ADAM18: variants seen among roughly 807,000 people sequenced by gnomAD.
ADAM18 encodes disintegrin and metalloproteinase domain-containing protein 18.
ADAM18 carries 117 observed loss-of-function variants against 94.4 expected under a neutral mutation model. That is an observed-to-expected ratio of 1.24 (90% confidence interval 1.07 to 1.45). The LOEUF is 1.45. Among genes scored for constraint, ADAM18 ranks in the 40% most tolerant of loss-of-function variants. The pLI is 0.00. For missense variants in ADAM18, 936 were observed against 880.0 expected, an observed-to-expected ratio of 1.06 and a Z score of -0.81; for synonymous variants, 327 against 291.6, an observed-to-expected ratio of 1.12 and a Z score of -1.24.
chr8:39,699,258 C>A (rs1217496788), intron 17 of ADAM18, among the ~76,000 whole-genome samples: 1 of 151,952 alleles, frequency 6.6e-6, no homozygotes, highest in Non-Finnish European at 1.5e-5. Flanking sequence ...TTGAATTATT[C>A]TAAAGTTTAA....
intron 16 of ADAM18, chr8:39,685,214 C>T (rs923888551): frequency 4.6e-5 from 7 of 152,324 alleles, no homozygotes; most frequent in Admixed American, 2.6e-4. Flanking sequence ...TGAAGGCAGC[C>T]ATGCCTCCAC....
chr8:39,668,325 AAAG>A, intron 14 of ADAM18, 129 bp downstream of exon 14: 1 of 845,220 alleles, frequency 1.2e-6, no homozygotes, highest in South Asian at 2.2e-5. Context: ...AATTTTAGTT[AAAG>A]AAGAGTAGTT....
chr8:39,691,226 A>T (rs759060698), intron 16 of ADAM18, among the ~76,000 whole-genome samples: 3 of 152,164 alleles, frequency 2.0e-5, no homozygotes, highest in Non-Finnish European at 4.4e-5. Flanking sequence ...CCATTTGTGT[A>T]TATCAATTAA....
intron 19 of ADAM18, among the ~76,000 whole-genome samples, chr8:39,729,186 A>G (rs1294396209): frequency 6.6e-6 from 1 of 152,088 alleles, no homozygotes; most frequent in South Asian, 2.1e-4. Context: ...TTGAATACAT[A>G]TTATTCAATG....
At chr8:39,597,163 T>G (rs1215638761) in intron 2 of ADAM18, among the ~76,000 whole-genome samples, 1 of 152,178 alleles carries the variant, frequency 6.6e-6, no homozygotes, top group Non-Finnish European at 1.5e-5. Context: ...TAGGAGTTGT[T>G]TAGATATTTT....
chr8:39,661,142 TTTC>T (rs1440469891), intron 12 of ADAM18, among the ~76,000 whole-genome samples: 5 of 146,432 alleles, frequency 3.4e-5, no homozygotes, highest in South Asian at 2.2e-4. Flanking sequence ...AAAACAACTG[TTTC>T]TTCTTCTTCT....
In ADAM18 at chr8:39,677,533, G is replaced by A. The variant is rs151131718; in HGVS notation, c.1628G>A (p.Arg543Gln). The change falls in exon 15 of 20, where the codon CGG (arginine) becomes CAG (glutamine). Residue 543 changes from arginine to glutamine, a missense_variant. Coordinates refer to ENST00000265707, the MANE Select transcript of ADAM18 (RefSeq NM_014237.3). ...FKNSQPLPCE[R>Q]KDVLCGKLAC... ...AATTCACAACCATTACCTTGTGAAC[G>A]GAAGTACGTATGTAGAAAATGATTG... The A allele has an allele frequency of 3.1e-4, 492 of 1,587,740 alleles. No homozygotes were observed. The highest frequency in any genetic ancestry group is 3.9e-4 in the Non-Finnish European group (453 of 1,168,028).
rs552886113 is a variant in ADAM18 at position 39,649,033 on chromosome 8, T to C, written c.1230+506T>C. ...ATATATGTATATACCCGATTATAAT[T>C]TCATCAATCAAATGTTCAATGAACA... On this transcript the variant is annotated intron_variant, in intron 12 of 19. Transcript: ENST00000265707. Among the ~76,000 whole-genome samples the C allele has an allele frequency of 7.2e-5, 11 of 152,240 alleles. No homozygotes were observed. In the East Asian group the frequency reaches 9.7e-4, roughly 13 times the overall value.
intron 10 of ADAM18, among the ~76,000 whole-genome samples, chr8:39,639,177 T>C (rs538529681): frequency 2.8e-4 from 42 of 152,058 alleles, no homozygotes; most frequent in African/African-American, 9.9e-4. Context: ...TTAATTTTTA[T>C]CGAGTTTATG....
intron 7 of ADAM18, among the ~76,000 whole-genome samples, chr8:39,632,279 G>A (rs1354015492): frequency 6.6e-6 from 1 of 151,882 alleles, no homozygotes; most frequent in African/African-American, 2.4e-5. Flanking sequence ...ATAGACTGAT[G>A]TGTATATTCC....
At chr8:39,689,196 A>G (rs1821698861) in intron 16 of ADAM18, among the ~76,000 whole-genome samples, 1 of 152,118 alleles carries the variant, frequency 6.6e-6, no homozygotes, top group South Asian at 2.1e-4. Context: ...GCTGTGCAGA[A>G]GTTCTTTAGT....
chr8:39,600,008 G>A (rs1017596916), intron 2 of ADAM18, among the ~76,000 whole-genome samples: 2 of 151,914 alleles, frequency 1.3e-5, no homozygotes, highest in African/African-American at 2.4e-5. Flanking sequence ...TCTTGAGATT[G>A]CAGAGAGGAT....
intron 15 of ADAM18, among the ~76,000 whole-genome samples, 179 bp from the exon 16 acceptor site, chr8:39,679,858 A>G (rs1207876188): frequency 6.6e-6 from 1 of 152,228 alleles, no homozygotes; most frequent in Non-Finnish European, 1.5e-5. Flanking sequence ...ATACATTTCA[A>G]TTCTGCTATT....
chr8:39,699,831 G>A (rs867081141), intron 17 of ADAM18, among the ~76,000 whole-genome samples: 5 of 152,144 alleles, frequency 3.3e-5, no homozygotes, highest in Non-Finnish European at 7.4e-5. Flanking sequence ...CCAGGAGGCA[G>A]CAATGATGAT....
chr8:39,667,341 G>A (rs1458064517), intron 13 of ADAM18, among the ~76,000 whole-genome samples: 4 of 144,736 alleles, frequency 2.8e-5, no homozygotes, highest in African/African-American at 1.0e-4. Context: ...GATGGCAGTT[G>A]AAGTGAACTG....
chr8:39,601,028 T>TGGAAGG (rs1262628568), intron 2 of ADAM18, among the ~76,000 whole-genome samples: 1 of 151,954 alleles, frequency 6.6e-6, no homozygotes, highest in African/African-American at 2.4e-5. Context: ...TCAGTCATGG[T>TGGAAGG]GGAAGGGGAA....
intron 14 of ADAM18, among the ~76,000 whole-genome samples, chr8:39,669,395 T>C (rs1454729111): frequency 1.3e-5 from 2 of 151,534 alleles, no homozygotes; most frequent in Non-Finnish European, 2.9e-5. Context: ...ACATGTGCCA[T>C]GTTGGTGTGC....
chr8:39,590,742 A>G (rs916112068), intron 2 of ADAM18, among the ~76,000 whole-genome samples: 7 of 152,204 alleles, frequency 4.6e-5, no homozygotes, highest in African/African-American at 1.4e-4. Context: ...GATAAATAAT[A>G]CATATATCTC....
intron 11 of ADAM18, among the ~76,000 whole-genome samples, chr8:39,647,024 T>C (rs1820400413): frequency 6.6e-6 from 1 of 151,884 alleles, no homozygotes; most frequent in African/African-American, 2.4e-5. Flanking sequence ...GGATATCTCG[T>C]CAGGTGGGAC....
Sources: allele counts gnomAD v4.1 joint callset (sites outside exome capture counted in the v4.1 genomes callset), GRCh38; gene constraint gnomAD v4.1.1; transcripts MANE v1.5; gene names NCBI Gene and HGNC (gene_info 2026-07-23, HGNC 2026-07-21).